Variants in NRG3 observed in about 807,000 individuals in gnomAD.
NRG3 encodes the protein pro-neuregulin-3, membrane-bound isoform.
A neutral mutation model predicts 66.9 loss-of-function variants in NRG3; 31 were observed. The ratio of observed to expected loss-of-function variants is 0.46; its 90% CI spans 0.35 to 0.63. The LOEUF is 0.63. NRG3 is among the 20% of genes least tolerant of loss of function. NRG3 has a pLI of 0.00. For missense variants in NRG3, 910 were observed against 878.9 expected, an observed-to-expected ratio of 1.04 and a Z score of -0.45; for synonymous variants, 393 against 359.4, an observed-to-expected ratio of 1.09 and a Z score of -1.06.
intron 2 of NRG3, among the ~76,000 whole-genome samples, chr10:82,503,412 T>A (rs1443979862): frequency 6.6e-6 from 1 of 152,166 alleles, no homozygotes; most frequent in Non-Finnish European, 1.5e-5. Context: ...GTAAATCCAC[T>A]GATTTCAAGA....
At chr10:82,713,507 T>C (rs2056799046) in intron 2 of NRG3, among the ~76,000 whole-genome samples, 1 of 152,062 alleles carries the variant, frequency 6.6e-6, no homozygotes, top group African/African-American at 2.4e-5. Context: ...CCTGAGCAAC[T>C]CAAAAAAGAT....
At chr10:82,548,523 T>TCTCACA (rs1178090292) in intron 2 of NRG3, among the ~76,000 whole-genome samples, 2 of 139,460 alleles carry the variant, frequency 1.4e-5, no homozygotes, top group Non-Finnish European at 1.6e-5. Context: ...ATTCTGTCTC[T>TCTCACA]CACACACACA....
chr10:82,693,109 A>G (rs529651994), intron 2 of NRG3, among the ~76,000 whole-genome samples: 1 of 152,226 alleles, frequency 6.6e-6, no homozygotes, highest in South Asian at 2.1e-4. Context: ...GACCTATTTG[A>G]TCTTCCTAAT....
chr10:82,865,561 A>G (rs1840633918), intron 4 of NRG3, 124 bp downstream of exon 4: 1 of 941,434 alleles, frequency 1.1e-6, no homozygotes, highest in Non-Finnish European at 1.6e-6. Context: ...ATTAGTAGGA[A>G]AAAATACTCT....
At chr10:82,388,269 GACCC>G (rs1338661074) in intron 2 of NRG3, among the ~76,000 whole-genome samples, 1 of 152,116 alleles carries the variant, frequency 6.6e-6, no homozygotes, top group East Asian at 1.9e-4. Flanking sequence ...AACAAATGTG[GACCC>G]ATTTGCTGAG....
intron 1 of NRG3, among the ~76,000 whole-genome samples, chr10:82,197,791 G>T (rs2074524205): frequency 6.6e-6 from 1 of 152,086 alleles, no homozygotes; most frequent in Admixed American, 6.6e-5. Context: ...CAAAAATTTT[G>T]AGTCCTTAAG....
chr10:82,358,610 G>T lies in NRG3; in HGVS notation c.824-129G>T, dbSNP rs541119691. 191 of 1,260,314 alleles carry T rather than the reference G, an allele frequency of 1.5e-4. 1 individual carries two copies. The highest frequency in any genetic ancestry group is 2.0e-4 in the Middle Eastern group (1 of 5,090). The allele number at this position is 1,260,314 out of a possible 1,614,324, so 78.1% of individuals were successfully genotyped here. ...GTCAGTACCAAGGAGGGTTGGAGCT[G>T]TCTGTCTAGAGTCCCAGAGGTCAGA... On this transcript the variant is annotated intron_variant, in intron 1 of 8. Coordinates refer to ENST00000372141, the MANE Select transcript of NRG3 (RefSeq NM_001010848.4).
At chr10:82,246,534 G>T (rs114320783) in intron 1 of NRG3, among the ~76,000 whole-genome samples, 1 of 152,088 alleles carries the variant, frequency 6.6e-6, no homozygotes, top group Non-Finnish European at 1.5e-5. Context: ...TTTGGCAAAC[G>T]GTATAATTAC....
chr10:82,705,836 A>G (rs2056250921), intron 2 of NRG3, among the ~76,000 whole-genome samples: 1 of 152,188 alleles, frequency 6.6e-6, no homozygotes, highest in African/African-American at 2.4e-5. Flanking sequence ...CCACTTTCCC[A>G]TTCACGTTTC....
At chr10:82,044,821 G>T (rs1468328426) in intron 1 of NRG3, among the ~76,000 whole-genome samples, 1 of 151,960 alleles carries the variant, frequency 6.6e-6, no homozygotes, top group East Asian at 1.9e-4. Flanking sequence ...GAAGTGTTTG[G>T]TTTTTTGTCC....
intron 3 of NRG3, among the ~76,000 whole-genome samples, chr10:82,857,006 G>T (rs527964780): frequency 6.6e-6 from 1 of 152,004 alleles, no homozygotes; most frequent in Admixed American, 6.6e-5. Flanking sequence ...TCCTTTAATC[G>T]GTAATTGCAA....
At chr10:81,911,249 A>G (rs1396682091) in intron 1 of NRG3, among the ~76,000 whole-genome samples, 1 of 152,180 alleles carries the variant, frequency 6.6e-6, no homozygotes, top group Non-Finnish European at 1.5e-5. Context: ...TGGAGAATTC[A>G]TTTATTTTTG....
intron 1 of NRG3, among the ~76,000 whole-genome samples, chr10:81,944,864 T>C (rs1848705822): frequency 6.6e-6 from 1 of 152,150 alleles, no homozygotes; most frequent in African/African-American, 2.4e-5. Context: ...TACTGTGATA[T>C]AAAGGCAAAA....
At chr10:82,357,236 A>G (rs531847971) in intron 1 of NRG3, among the ~76,000 whole-genome samples, 1 of 152,218 alleles carries the variant, frequency 6.6e-6, no homozygotes, top group Admixed American at 6.5e-5. Context: ...ACAGATAAAC[A>G]TATAGATGGC....
At position 82,902,033 on chromosome 10, in the gene NRG3, A is replaced by T. The variant is rs574368698; in HGVS notation, c.1054+36596A>T. On this transcript the variant is annotated intron_variant, in intron 4 of 8. Transcript: ENST00000372141. ...AATGGATAGGTAAATATATAGCTAGATGGATATAACCAACCGAAAGATACA... is the reference window on the plus strand; with the variant it reads ...AATGGATAGGTAAATATATAGCTAGTTGGATATAACCAACCGAAAGATACA... 2.0e-5 allele frequency among the ~76,000 whole-genome samples: 3 copies of T among 152,326 alleles called. No homozygotes were observed. The South Asian group carries it at 6.2e-4, about 32-fold the overall frequency.
At chr10:81,876,708 C>T (rs1326206163) in intron 1 of NRG3, among the ~76,000 whole-genome samples, 1 of 152,188 alleles carries the variant, frequency 6.6e-6, no homozygotes, top group Admixed American at 6.5e-5. Context: ...CTTCCAGCAG[C>T]CCTGACCTGG....
At chr10:82,077,002 T>G (rs933654239) in intron 1 of NRG3, among the ~76,000 whole-genome samples, 3 of 152,214 alleles carry the variant, frequency 2.0e-5, no homozygotes, top group African/African-American at 7.2e-5. Flanking sequence ...CCCATTGTTT[T>G]TTGATCTATG....
chr10:81,967,742 G>T (rs1179895481), intron 1 of NRG3, among the ~76,000 whole-genome samples: 2 of 152,194 alleles, frequency 1.3e-5, no homozygotes, highest in African/African-American at 2.4e-5. Flanking sequence ...TTGGGTAGAA[G>T]AATTTTCCAT....
intron 3 of NRG3, among the ~76,000 whole-genome samples, chr10:82,793,488 AT>A (rs1487653088): frequency 6.6e-6 from 1 of 152,140 alleles, no homozygotes; most frequent in Non-Finnish European, 1.5e-5. Flanking sequence ...GGAACTAGAA[AT>A]CTGAAAAGTG....
Sources: allele counts gnomAD v4.1 joint callset (sites outside exome capture counted in the v4.1 genomes callset), GRCh38; gene constraint gnomAD v4.1.1; transcripts MANE v1.5; gene names NCBI Gene and HGNC (gene_info 2026-07-23, HGNC 2026-07-21).